Variants in ARCN1 observed in about 807,000 individuals in gnomAD.
ARCN1 encodes the protein archain 1 coat protein complex I subunit delta.
Under a neutral mutation model 60.4 loss-of-function variants are expected in ARCN1, and 5 were observed. The ratio of observed to expected loss-of-function variants is 0.08; its 90% CI spans 0.04 to 0.17. ARCN1 has a LOEUF of 0.17. ARCN1 is among the 10% of genes least tolerant of loss of function. The probability of loss-of-function intolerance (pLI) is 1.00; values close to 1 mark genes in which losing one functional copy is unlikely to be tolerated. For synonymous variants in ARCN1, 224 were observed against 220.0 expected (o/e 1.02, Z -0.16); for missense variants, 464 against 626.5 (o/e 0.74, Z 2.77).
intron 2 of ARCN1, among the ~76,000 whole-genome samples, chr11:118,582,615 A>C (rs1219111605): frequency 1.3e-5 from 2 of 150,588 alleles, no homozygotes; most frequent in Admixed American, 1.3e-4. Flanking sequence ...TAATCCTACT[A>C]CTCAGGAGGC....
rs1555076691 is a variant in ARCN1 at position 118,593,666 on chromosome 11, A to G, written c.1209A>G (p.Glu403=). 3 of 1,613,336 alleles carry G rather than the reference A, an allele frequency of 1.9e-6. No homozygotes were observed. Among genetic ancestry groups the G allele is most frequent in the Non-Finnish European group, 2.5e-6 (3 of 1,179,316 alleles). ...ATGAGCTACAAGAAGATAATTTAGA[A>G]CTGAATGATGTGGTTATCACCATCC... ...IEYELQEDNL[E]LNDVVITIPL... The change falls in exon 8 of 10, where the codon GAA becomes GAG. Residue 403 remains glutamate (E), a synonymous_variant. Transcript: ENST00000264028.
intron 5 of ARCN1, among the ~76,000 whole-genome samples, chr11:118,588,625 A>G (rs1938827256): frequency 6.6e-6 from 1 of 152,202 alleles, no homozygotes; most frequent in African/African-American, 2.4e-5. Flanking sequence ...CAGGAGGATC[A>G]CTTGAGACCA....
At chr11:118,579,734 A>C (rs561640050) in intron 1 of ARCN1, among the ~76,000 whole-genome samples, 6 of 152,152 alleles carry the variant, frequency 3.9e-5, no homozygotes, top group African/African-American at 1.2e-4. Context: ...TTCTTAAAAT[A>C]GTTAATAATT....
chr11:118,600,211 G>A (rs1295761939), intron 9 of ARCN1, among the ~76,000 whole-genome samples: 4 of 152,332 alleles, frequency 2.6e-5, no homozygotes, highest in African/African-American at 9.6e-5. Context: ...AGCTTACTGG[G>A]ACTTTTAACA....
intron 9 of ARCN1, among the ~76,000 whole-genome samples, chr11:118,598,432 C>G (rs1435980635): frequency 6.6e-6 from 1 of 150,814 alleles, no homozygotes; most frequent in African/African-American, 2.4e-5. Context: ...AATTCTGTTG[C>G]AAACTCTGTC....
intron 1 of ARCN1, among the ~76,000 whole-genome samples, chr11:118,579,823 C>T (rs1454769744): frequency 3.3e-5 from 5 of 151,516 alleles, no homozygotes; most frequent in Admixed American, 6.6e-5. Flanking sequence ...ATTAATAAAA[C>T]AATTTTTTCT....
chr11:118,600,135 T>C (rs1447848920), intron 9 of ARCN1, among the ~76,000 whole-genome samples: 1 of 152,208 alleles, frequency 6.6e-6, no homozygotes, highest in Non-Finnish European at 1.5e-5. Context: ...AAGCTGGACA[T>C]TTATTTATTT....
intron 9 of ARCN1, among the ~76,000 whole-genome samples, chr11:118,599,753 A>G (rs1341852044): frequency 2.6e-5 from 4 of 152,048 alleles, no homozygotes; most frequent in Non-Finnish European, 5.9e-5. Context: ...TTTAATTTGC[A>G]TTACTAGGAC....
rs1488980463 is a variant in ARCN1, at chr11:118,601,736, C to T, written c.*1022C>T. The T allele has an allele frequency of 2.6e-5, 18 of 702,796 alleles. No homozygotes were observed. In the East Asian group the frequency reaches 4.6e-4, roughly 18 times the overall value. The allele number at this position is 702,796 out of a possible 1,614,324, so 43.5% of individuals were successfully genotyped here. On this transcript the variant is annotated 3_prime_UTR_variant, in exon 10 of 10. Coordinates refer to ENST00000264028, the MANE Select transcript of ARCN1 (RefSeq NM_001655.5). ...CCTGTCCTTCCAGTTTAGAACAGTA[C>T]CATGAATCCCACTTGTGTCAATATT...
At chr11:118,581,937 G>GTCTTGCTTAAAATGAAGACACACACACAC (rs1555074710) in intron 2 of ARCN1, among the ~76,000 whole-genome samples, 1 of 140,704 alleles carries the variant, frequency 7.1e-6, no homozygotes, top group East Asian at 2.6e-4. Flanking sequence ...CAGACAGACA[G>GTCTTGCTTAAAATGAAGACACACACACAC]ACACACACAC....
intron 8 of ARCN1, among the ~76,000 whole-genome samples, chr11:118,594,695 A>G (rs1036430448): frequency 1.3e-5 from 2 of 151,910 alleles, no homozygotes; most frequent in Non-Finnish European, 2.9e-5. Flanking sequence ...GGTTACAGGC[A>G]TGTGCCATCA....
intron 5 of ARCN1, among the ~76,000 whole-genome samples, chr11:118,587,379 G>A (rs1938802276): frequency 2.0e-5 from 3 of 152,164 alleles, no homozygotes; most frequent in Admixed American, 2.0e-4. Flanking sequence ...TATACAGTGT[G>A]TCTATTTTTC....
rs371926699 is a variant in ARCN1, at chr11:118,572,560, G to A, written c.3+10G>A. 3 of 1,608,630 alleles carry A rather than the reference G, an allele frequency of 1.9e-6. No homozygotes were observed. Among genetic ancestry groups the A allele is most frequent in the Non-Finnish European group, 2.5e-6 (3 of 1,178,144 alleles). ...CACCGCCCTCACCATGGTAAGATCCGAGCCAGGACCCGAACTCCTGGGGTC... is the reference window on the plus strand; with the variant it reads ...CACCGCCCTCACCATGGTAAGATCCAAGCCAGGACCCGAACTCCTGGGGTC... On this transcript the variant is annotated intron_variant, in intron 1 of 9. Transcript: ENST00000264028.
intron 9 of ARCN1, among the ~76,000 whole-genome samples, chr11:118,598,321 C>T (rs1555077520): frequency 2.0e-5 from 3 of 149,932 alleles, no homozygotes; most frequent in Non-Finnish European, 4.4e-5. Context: ...ATTTAGAAGA[C>T]AAAATTACTA....
intron 1 of ARCN1, among the ~76,000 whole-genome samples, chr11:118,579,521 CA>C (rs61567269): frequency 0.011 from 1,290 of 118,276 alleles, 7 homozygotes; most frequent in African/African-American, 0.026. Flanking sequence ...ACTAGAAATA[CA>C]AAAAAAAAAA....
At chr11:118,583,439 T>G in intron 3 of ARCN1, 81 bp downstream of exon 3, 1 of 1,428,422 alleles carries the variant, frequency 7.0e-7, no homozygotes, top group Non-Finnish European at 9.3e-7. Flanking sequence ...TATTTTTACT[T>G]ACTAATGTAG....
At chr11:118,597,138 C>T (rs1008300778) in intron 8 of ARCN1, among the ~76,000 whole-genome samples, 3 of 152,152 alleles carry the variant, frequency 2.0e-5, no homozygotes, top group African/African-American at 7.2e-5. Context: ...ACTGGGGAGG[C>T]GGAGGTTGCA....
chr11:118,577,972 A>G (rs967555067), intron 1 of ARCN1, among the ~76,000 whole-genome samples: 1 of 152,104 alleles, frequency 6.6e-6, no homozygotes, highest in Non-Finnish European at 1.5e-5. Context: ...CCTGCCCAAC[A>G]TGGCAAAACC....
At chr11:118,591,479 C>T (rs1173344761) in intron 6 of ARCN1, among the ~76,000 whole-genome samples, 1 of 152,154 alleles carries the variant, frequency 6.6e-6, no homozygotes, top group Non-Finnish European at 1.5e-5. Context: ...GCAACTTCTG[C>T]CTCCCCAGTT....
Sources: gnomAD v4.1 joint callset for allele counts (sites outside exome capture counted in the v4.1 genomes callset) on GRCh38, gnomAD v4.1.1 for gene constraint, MANE v1.5 for transcripts, NCBI Gene and HGNC (gene_info 2026-07-23, HGNC 2026-07-21) for gene names.